Variants in WASF2 observed in about 807,000 individuals in gnomAD.
WASF2 encodes actin-binding protein WASF2.
WASF2 carries 14 observed loss-of-function variants against 45.0 expected under a neutral mutation model. The observed-to-expected ratio is 0.31, with a 90% CI of 0.21 to 0.49. WASF2 has a LOEUF of 0.49. Ranked by LOEUF, WASF2 falls within the 20% of genes least tolerant of loss-of-function variation. The pLI is 0.99. For synonymous variants in WASF2, 200 were observed against 236.3 expected, an observed-to-expected ratio of 0.85 and a Z score of 1.41; for missense variants, 439 against 636.1, an observed-to-expected ratio of 0.69 and a Z score of 3.33.
At chr1:27,486,542 CATT>C in intron 1 of WASF2, among the ~76,000 whole-genome samples, 1 of 152,290 alleles carries the variant, frequency 6.6e-6, no homozygotes, top group East Asian at 1.9e-4. Flanking sequence ...AAGCCAAACA[CATT>C]ATTATGTGTT....
At chr1:27,412,817 A>AT in intron 6 of WASF2, 90 bp from the exon 7 acceptor site, 1 of 1,469,208 alleles carries the variant, frequency 6.8e-7, no homozygotes, top group Non-Finnish European at 9.5e-7. Context: ...TGCATTTGAT[A>AT]CAAAAGCTAT....
intron 1 of WASF2, among the ~76,000 whole-genome samples, chr1:27,435,902 T>C (rs2017130992): frequency 1.3e-5 from 2 of 152,192 alleles, no homozygotes; most frequent in South Asian, 2.1e-4. Context: ...GCAAACATAT[T>C]TGAGCTATAG....
intron 1 of WASF2, among the ~76,000 whole-genome samples, chr1:27,463,449 C>T (rs1305393932): frequency 6.6e-6 from 1 of 151,436 alleles, no homozygotes; most frequent in Non-Finnish European, 1.5e-5. Context: ...CACGGTAAAA[C>T]CCCGTCTCTA....
rs182725778 is a variant in WASF2, at chr1:27,418,946, T to C, written c.265+8A>G. On this transcript the variant is annotated splice_region_variant and intron_variant, in intron 3 of 8. Coordinates refer to ENST00000618852, the MANE Select transcript of WASF2 (RefSeq NM_006990.5). ...AGAGCCTGCAAATGCTGAGCTCAGC[T>C]TTCTTACCTTCTTCTTCCTTGGGAT... 1.9e-4 allele frequency: 312 copies of C among 1,612,822 alleles called. No homozygotes were observed. In the East Asian group the frequency reaches 6.8e-3, roughly 35 times the overall value.
chr1:27,461,653 T>G (rs954101211), intron 1 of WASF2, among the ~76,000 whole-genome samples: 2 of 151,648 alleles, frequency 1.3e-5, no homozygotes, highest in Non-Finnish European at 2.9e-5. Flanking sequence ...ATTTCTTATT[T>G]TTCGTAGAGT....
chr1:27,482,762 C>T (rs1004592280), intron 1 of WASF2, among the ~76,000 whole-genome samples: 3 of 152,166 alleles, frequency 2.0e-5, no homozygotes, highest in Non-Finnish European at 4.4e-5. Flanking sequence ...GGGACAGGAA[C>T]TGCATAACCA....
intron 2 of WASF2, among the ~76,000 whole-genome samples, chr1:27,425,674 T>C (rs1223112044): frequency 1.3e-5 from 2 of 151,754 alleles, no homozygotes; most frequent in African/African-American, 2.4e-5. Context: ...CTGTCTCTTC[T>C]AAAAATACAA....
Position 27,441,479 on chromosome 1 carries a change from C to T in WASF2, c.-43-12546G>A, listed in dbSNP as rs899991438. Reference sequence around the variant, plus strand: ...CCTGTCTCTACTAAAAATGGCCGGGCGCGGTGGCTCACGCCTGTAATCCCA... The same window carrying T: ...CCTGTCTCTACTAAAAATGGCCGGGTGCGGTGGCTCACGCCTGTAATCCCA... On this transcript the variant is annotated intron_variant, in intron 1 of 8. Coordinates refer to ENST00000618852, the MANE Select transcript of WASF2 (RefSeq NM_006990.5). Among the ~76,000 whole-genome samples the T allele has an allele frequency of 5.4e-5, 8 of 148,960 alleles. 1 individual carries two copies. Among genetic ancestry groups the T allele is most frequent in the South Asian group, 4.3e-4 (2 of 4,680 alleles).
chr1:27,418,207 A>C (rs2016851362), intron 4 of WASF2, 62 bp downstream of exon 4: 6 of 1,389,560 alleles, frequency 4.3e-6, no homozygotes, highest in Non-Finnish European at 3.9e-6. Context: ...CGCTTCAGAC[A>C]AAAAAAAATC....
intron 1 of WASF2, among the ~76,000 whole-genome samples, chr1:27,486,907 G>GAT (rs1196407058): frequency 4.0e-5 from 6 of 149,052 alleles, no homozygotes; most frequent in East Asian, 1.9e-4. Flanking sequence ...CTGGGTGACT[G>GAT]ATATATATAT....
chr1:27,435,190 C>T (rs1204295664), intron 1 of WASF2, among the ~76,000 whole-genome samples: 4 of 152,162 alleles, frequency 2.6e-5, no homozygotes, highest in Admixed American at 2.6e-4. Context: ...AAGTGATCCG[C>T]CCACCTTGGC....
chr1:27,476,989 G>T (rs1208733702), intron 1 of WASF2, among the ~76,000 whole-genome samples: 3 of 152,124 alleles, frequency 2.0e-5, no homozygotes, highest in African/African-American at 7.2e-5. Flanking sequence ...TAGGAAAGGG[G>T]TTTCAAAGTC....
intron 1 of WASF2, among the ~76,000 whole-genome samples, chr1:27,485,734 CAG>C (rs1376027523): frequency 6.6e-6 from 1 of 151,956 alleles, no homozygotes; most frequent in Non-Finnish European, 1.5e-5. Context: ...TTGTTTGAGA[CAG>C]AGTCTTGCTC....
chr1:27,487,737 GTA>G (rs1308320546), intron 1 of WASF2, among the ~76,000 whole-genome samples: 2 of 117,294 alleles, frequency 1.7e-5, no homozygotes, highest in African/African-American at 6.6e-5. Flanking sequence ...ATTATATAAT[GTA>G]TATCATATTA....
chr1:27,445,686 T>C (rs1240101922), intron 1 of WASF2, among the ~76,000 whole-genome samples: 1 of 152,158 alleles, frequency 6.6e-6, no homozygotes, highest in African/African-American at 2.4e-5. Flanking sequence ...TCAGATAACA[T>C]GTGCAGATGC....
chr1:27,450,068 C>T (rs189503599), intron 1 of WASF2, among the ~76,000 whole-genome samples: 354 of 152,032 alleles, frequency 2.3e-3, no homozygotes, highest in African/African-American at 7.7e-3. Context: ...TGCTTGAATC[C>T]GGGAAGCAGA....
chr1:27,447,034 C>A (rs2017320087), intron 1 of WASF2, among the ~76,000 whole-genome samples: 1 of 152,100 alleles, frequency 6.6e-6, no homozygotes, highest in South Asian at 2.1e-4. Context: ...TATCAACTGC[C>A]TTGAAAATGG....
At chr1:27,456,126 T>C (rs1186478716) in intron 1 of WASF2, among the ~76,000 whole-genome samples, 1 of 151,874 alleles carries the variant, frequency 6.6e-6, no homozygotes, top group Non-Finnish European at 1.5e-5. Flanking sequence ...ATCGAGACCA[T>C]CCTGGCTAAC....
intron 1 of WASF2, among the ~76,000 whole-genome samples, chr1:27,477,251 T>G (rs969601535): frequency 6.6e-6 from 1 of 152,176 alleles, no homozygotes; most frequent in African/African-American, 2.4e-5. Flanking sequence ...TTTAAATGTC[T>G]TTTTAAGGCC....
Sources: allele counts gnomAD v4.1 joint callset (sites outside exome capture counted in the v4.1 genomes callset), GRCh38; gene constraint gnomAD v4.1.1; transcripts MANE v1.5; gene names NCBI Gene and HGNC (gene_info 2026-07-23, HGNC 2026-07-21).